The following GLIS1 variants were observed in gnomAD, a reference collection of about 807,000 sequenced individuals.
GLIS1 encodes the protein GLIS family zinc finger 1, also known as zinc finger protein GLIS1.
Under a neutral mutation model 63.8 loss-of-function variants are expected in GLIS1, and 24 were observed. The ratio of observed to expected loss-of-function variants is 0.38; its 90% CI spans 0.27 to 0.53. GLIS1 has a LOEUF of 0.53. Ranked by LOEUF, GLIS1 falls within the 20% of genes least tolerant of loss-of-function variation. The probability of loss-of-function intolerance (pLI) is 0.85; values close to 1 mark genes in which losing one functional copy is unlikely to be tolerated. For synonymous variants in GLIS1, 450 were observed against 482.5 expected (o/e 0.93, Z 0.88); for missense variants, 1,036 against 1,074.1 (o/e 0.96, Z 0.50).
chr1:53,654,814 C>T (rs1276235065), intron 2 of GLIS1, among the ~76,000 whole-genome samples: 1 of 151,440 alleles, frequency 6.6e-6, no homozygotes, highest in Non-Finnish European at 1.5e-5. Context: ...GCCAGGGCTC[C>T]GAGAAAAATG....
intron 2 of GLIS1, among the ~76,000 whole-genome samples, chr1:53,620,249 T>C (rs1219524952): frequency 6.6e-6 from 1 of 152,202 alleles, no homozygotes; most frequent in African/African-American, 2.4e-5. Context: ...TCCTCACTGG[T>C]TAGGGCTGAC....
chr1:53,594,165 G>A lies in GLIS1; in HGVS notation c.1263C>T (p.Arg421=). ...CTCGCATGTGGATGAGCAGCTTGTA[G>A]CGGGCGTTGAAGGGCTTGTAGCGGC... ...CVRRYKPFNA[R]YKLLIHMRVH... Residue 421 remains arginine (R), a synonymous_variant, in exon 4 of 11, where the codon CGC becomes CGT. Coordinates refer to ENST00000628545, the MANE Select transcript of GLIS1 (RefSeq NM_001367484.1). 6.2e-7 allele frequency: 1 copy of A among 1,613,856 alleles called. No homozygotes were observed. The highest frequency in any genetic ancestry group is 1.3e-5 in the African/African-American group (1 of 75,070).
intron 4 of GLIS1, among the ~76,000 whole-genome samples, chr1:53,548,797 A>T (rs965497366): frequency 2.0e-5 from 3 of 152,236 alleles, no homozygotes; most frequent in African/African-American, 7.2e-5. Flanking sequence ...TCACATAATC[A>T]TAAAATCCAC....
intron 2 of GLIS1, among the ~76,000 whole-genome samples, chr1:53,606,350 C>T (rs1397531403): frequency 6.6e-6 from 1 of 152,188 alleles, no homozygotes; most frequent in Non-Finnish European, 1.5e-5. Context: ...CGTGGCAGCC[C>T]CCTCTCTGAG....
intron 2 of GLIS1, among the ~76,000 whole-genome samples, chr1:53,628,962 T>C (rs991685389): frequency 6.6e-6 from 1 of 152,102 alleles, no homozygotes; most frequent in Admixed American, 6.5e-5. Context: ...CAGAACGACC[T>C]GGGGAACTTG....
At position 53,646,960 on chromosome 1, in the gene GLIS1, G is replaced by A. The variant is rs1270343553; in HGVS notation, c.260-46682C>T. On this transcript the variant is annotated intron_variant, in intron 2 of 10. Coordinates refer to ENST00000628545, the MANE Select transcript of GLIS1 (RefSeq NM_001367484.1). The surrounding 1 kb of genome is among the most constrained non-coding windows in gnomAD (Gnocchi z 4.2). ...AGGAAGGAAAGGGAAGGGAAGGGAA[G>A]GAAAGGAAGGAAAGGAAGGAAAGGA... Among the ~76,000 whole-genome samples the A allele has an allele frequency of 2.0e-5, 2 of 98,726 alleles. No individual in the cohort carries two copies. The highest frequency in any genetic ancestry group is 4.2e-5 in the Non-Finnish European group (2 of 47,784). 64.8% of individuals were successfully genotyped at this position (98,726 alleles called of 152,430 possible).
At chr1:53,543,218 G>C (rs1273116439) in intron 4 of GLIS1, among the ~76,000 whole-genome samples, 1 of 152,232 alleles carries the variant, frequency 6.6e-6, no homozygotes, top group Non-Finnish European at 1.5e-5. Flanking sequence ...GAAACAGAGA[G>C]CACTAGCAGT....
At chr1:53,643,242 T>A (rs1026405428) in intron 2 of GLIS1, among the ~76,000 whole-genome samples, 9 of 152,200 alleles carry the variant, frequency 5.9e-5, no homozygotes, top group African/African-American at 2.2e-4. Flanking sequence ...TTGGGCCGCT[T>A]CTCTCCAGCA....
At position 53,670,879 on chromosome 1, in the gene GLIS1, G is replaced by A. The variant is rs1056520358; in HGVS notation, c.259+66927C>T. On this transcript the variant is annotated intron_variant, in intron 2 of 10. Transcript: ENST00000628545. ...TTATCACGTTACTATTTGCCATAGC[G>A]AATGAAAAGCAGGCAACAATCTAAA... Among the ~76,000 whole-genome samples the A allele has an allele frequency of 1.1e-4, 17 of 152,220 alleles. No individual in the cohort carries two copies. In the South Asian group the frequency reaches 2.1e-3, roughly 19 times the overall value.
chr1:53,556,647 C>T (rs1308336376), intron 4 of GLIS1, among the ~76,000 whole-genome samples: 1 of 131,236 alleles, frequency 7.6e-6, no homozygotes, highest in African/African-American at 3.0e-5. Flanking sequence ...TGCAGGTGTA[C>T]TGTAGGTATG....
intron 2 of GLIS1, among the ~76,000 whole-genome samples, chr1:53,699,480 G>C (rs1485387089): frequency 6.6e-6 from 1 of 152,152 alleles, no homozygotes; most frequent in Non-Finnish European, 1.5e-5. Context: ...TGGACTTTGG[G>C]AGATTTGCAT....
intron 2 of GLIS1, among the ~76,000 whole-genome samples, chr1:53,648,555 C>T (rs1387283307): frequency 6.6e-6 from 1 of 152,128 alleles, no homozygotes; most frequent in Non-Finnish European, 1.5e-5. Context: ...GACATGTATA[C>T]ATATATTCAT....
intron 8 of GLIS1, among the ~76,000 whole-genome samples, chr1:53,510,726 G>A (rs781172755): frequency 3.9e-5 from 6 of 152,188 alleles, no homozygotes; most frequent in Non-Finnish European, 8.8e-5. Flanking sequence ...ATTATGAAGA[G>A]GAAGGGAAGA....
chr1:53,657,025 G>C (rs1645973577), intron 2 of GLIS1, among the ~76,000 whole-genome samples: 1 of 147,192 alleles, frequency 6.8e-6, no homozygotes, highest in South Asian at 2.2e-4. Context: ...CGATATCACA[G>C]TCCCCACACC....
intron 2 of GLIS1, among the ~76,000 whole-genome samples, chr1:53,665,456 T>C (rs2100377582): frequency 6.6e-6 from 1 of 152,272 alleles, no homozygotes; most frequent in East Asian, 1.9e-4. Context: ...TACCACATGA[T>C]ATCCAAAGAC....
In GLIS1 at chr1:53,597,261, T is replaced by C. The variant is rs1334696279; in HGVS notation, c.438-2271A>G. Reference sequence around the variant, plus strand: ...GGTGGCGGGCGCCTGTAGTCCCAGCTACTCGGGAGCCTGAGGCAGGAGAAT... The same window carrying C: ...GGTGGCGGGCGCCTGTAGTCCCAGCCACTCGGGAGCCTGAGGCAGGAGAAT... On this transcript the variant is annotated intron_variant, in intron 3 of 10. Coordinates refer to ENST00000628545, the MANE Select transcript of GLIS1 (RefSeq NM_001367484.1). Among the ~76,000 whole-genome samples, 14 of 131,850 alleles carry C rather than the reference T, an allele frequency of 1.1e-4. No individual in the cohort carries two copies. The Admixed American group carries it at 1.1e-3, about 10-fold the overall frequency. 86.5% of individuals were successfully genotyped at this position (131,850 alleles called of 152,430 possible).
intron 2 of GLIS1, among the ~76,000 whole-genome samples, chr1:53,705,689 C>T (rs1452335440): frequency 6.6e-6 from 1 of 152,200 alleles, no homozygotes; most frequent in East Asian, 1.9e-4. Flanking sequence ...CAACCCCAGA[C>T]TCCTTCTGAG....
intron 4 of GLIS1, among the ~76,000 whole-genome samples, chr1:53,533,255 G>T (rs1644549044): frequency 6.6e-6 from 1 of 152,188 alleles, no homozygotes; most frequent in South Asian, 2.1e-4. Context: ...GCACAGCCAT[G>T]GCCTTCTCCC....
chr1:53,731,660 C>A (rs1646862488), intron 2 of GLIS1, among the ~76,000 whole-genome samples: 3 of 152,196 alleles, frequency 2.0e-5, no homozygotes, highest in Admixed American at 1.3e-4. Flanking sequence ...AAAATTAGAA[C>A]AGTGCCTCCT....
Sources: gnomAD v4.1 joint callset for allele counts (sites outside exome capture counted in the v4.1 genomes callset) on GRCh38, gnomAD v4.1.1 for gene constraint, Gnocchi (gnomAD v3.1) non-coding constraint, MANE v1.5 for transcripts, NCBI Gene and HGNC (gene_info 2026-07-23, HGNC 2026-07-21) for gene names.